The following SLC35C1 variants were observed in gnomAD, a reference collection of about 807,000 sequenced individuals.
SLC35C1 encodes the protein GDP-fucose transporter 1.
Under a neutral mutation model 23.2 loss-of-function variants are expected in SLC35C1, and 8 were observed. The ratio of observed to expected loss-of-function variants is 0.35; its 90% confidence interval spans 0.20 to 0.62. SLC35C1 has a LOEUF of 0.62. Ranked by LOEUF, SLC35C1 falls within the 20% of genes least tolerant of loss-of-function variation. SLC35C1 has a pLI of 0.75. For missense variants in SLC35C1, 422 were observed against 478.6 expected (o/e 0.88, Z 1.10); for synonymous variants, 226 against 225.1 (o/e 1.00, Z -0.04).
intron 1 of SLC35C1, among the ~76,000 whole-genome samples, chr11:45,808,852 A>C (rs750001861): frequency 6.6e-6 from 1 of 151,986 alleles, no homozygotes; most frequent in Non-Finnish European, 1.5e-5. Flanking sequence ...AAAATACAAA[A>C]ATTAGCCAGG....
At position 45,805,158 on chromosome 11, in the gene SLC35C1, C is replaced by T; in HGVS notation, c.-644C>T. 2.0e-6 allele frequency: 2 copies of T among 986,568 alleles called. No individual in the cohort carries two copies. The highest frequency in any genetic ancestry group is 2.4e-6 in the Non-Finnish European group (2 of 830,650). The allele number at this position is 986,568 out of a possible 1,614,324, so 61.1% of individuals were successfully genotyped here. ...CTCCCGGGGAGTCGGCCTCGGATGT[C>T]CGGAGGCTCCTGGGCTGAGCCGGCG... On this transcript the variant is annotated 5_prime_UTR_variant, in exon 1 of 2. Coordinates refer to ENST00000314134, the MANE Select transcript of SLC35C1 (RefSeq NM_018389.5).
intron 1 of SLC35C1, among the ~76,000 whole-genome samples, chr11:45,809,140 ACATGCCAGGCAC>A (rs1471127706): frequency 6.6e-6 from 1 of 152,168 alleles, no homozygotes; most frequent in African/African-American, 2.4e-5. Flanking sequence ...GTGGCTAAAC[ACATGCCAGGCAC>A]CATGCCAGGC....
chr11:45,811,005 G>T lies in SLC35C1; in HGVS notation c.765G>T (p.Leu255=). 1 of 1,612,862 alleles carries T rather than the reference G, an allele frequency of 6.2e-7. No homozygotes were observed. The change falls in exon 2 of 2, where the codon CTG becomes CTT. Residue 255 remains leucine, a synonymous_variant. Coordinates refer to ENST00000314134, the MANE Select transcript of SLC35C1 (RefSeq NM_018389.5). ...TGCTGCTCGGGGAGCTTCAGGCCCT[G>T]CGTGACTTTGCCCAGCTGGGCAGTG... is the stretch of plus-strand genomic sequence containing the variant. ...LLLLLGELQA[L]RDFAQLGSAH...
In SLC35C1 at chr11:45,812,580, G is replaced by A. The variant is rs760905070; in HGVS notation, c.*1245G>A. On this transcript the variant is annotated 3_prime_UTR_variant, in exon 2 of 2. Transcript: ENST00000314134. ...GTGCCTTCTCGCTGTATCCTCAATG[G>A]TAGAAGCACAAACAAGCAAGCTCCT... 1.3e-5 allele frequency: 6 copies of A among 456,020 alleles called. No individual in the cohort carries two copies. Among genetic ancestry groups the A allele is most frequent in the South Asian group, 9.3e-5 (6 of 64,570 alleles). The allele number at this position is 456,020 out of a possible 1,614,324, so 28.2% of individuals were successfully genotyped here.
At chr11:45,804,559 G>A, upstream of SLC35C1, 1 of 985,608 alleles carries the variant, frequency 1.0e-6, no homozygotes, top group Non-Finnish European at 1.2e-6. Context: ...TCGGATCCGG[G>A]CCGCCCAGAG....
intron 1 of SLC35C1, chr11:45,806,796 G>A (rs1290922789): frequency 6.2e-6 from 4 of 647,434 alleles, no homozygotes; most frequent in Non-Finnish European, 7.7e-6. Context: ...TCACATGCCC[G>A]ACCACTGTAC....
At position 45,806,248 on chromosome 11, in the gene SLC35C1, C is replaced by T. The variant is rs2085874654; in HGVS notation, c.447C>T (p.Leu149=). Reference sequence around the variant, plus strand: ...CCTTCTACAATGTGGGCCGCTCACTCACCACCGTCTTCAACGTGCTGCTCT... The same window carrying T: ...CCTTCTACAATGTGGGCCGCTCACTTACCACCGTCTTCAACGTGCTGCTCT... ...GVAFYNVGRS[L]TTVFNVLLSY... is the part of the protein sequence containing the mutation. Residue 149 remains leucine (L), a synonymous_variant, in exon 1 of 2, where the codon CTC becomes CTT. Coordinates refer to ENST00000314134, the MANE Select transcript of SLC35C1 (RefSeq NM_018389.5). The T allele has an allele frequency of 8.7e-6, 14 of 1,609,632 alleles. No homozygotes were observed. Among genetic ancestry groups the T allele is most frequent in the Non-Finnish European group, 1.2e-5 (14 of 1,180,008 alleles).
At position 45,805,226 on chromosome 11, in the gene SLC35C1, C is replaced by T; in HGVS notation, c.-576C>T. The T allele has an allele frequency of 1.0e-6, 1 of 995,700 alleles. No homozygotes were observed. Among genetic ancestry groups the T allele is most frequent in the Non-Finnish European group, 1.2e-6 (1 of 835,278 alleles). 61.7% of individuals were successfully genotyped at this position (995,700 alleles called of 1,614,324 possible). A position where few individuals can be genotyped will look rare whatever the true frequency, so the allele number is the denominator to read the frequency against. Reference sequence around the variant, plus strand: ...AGCGAGACGTGGGCGCCGGCCCAGCCCCCTCCCGCGTCCTTCAGCCCCAAG... The same window carrying T: ...AGCGAGACGTGGGCGCCGGCCCAGCTCCCTCCCGCGTCCTTCAGCCCCAAG... On this transcript the variant is annotated 5_prime_UTR_variant, in exon 1 of 2. Coordinates refer to ENST00000314134, the MANE Select transcript of SLC35C1 (RefSeq NM_018389.5).
At chr11:45,810,455 C>G (rs1200668853) in intron 1 of SLC35C1, 2 of 985,312 alleles carry the variant, frequency 2.0e-6, no homozygotes, top group African/African-American at 3.5e-5. Flanking sequence ...GCACCTTGTA[C>G]TACTTTATGG....
chr11:45,809,554 C>T (rs185664489), intron 1 of SLC35C1, among the ~76,000 whole-genome samples: 157 of 152,334 alleles, frequency 1.0e-3, no homozygotes, highest in Non-Finnish European at 1.9e-3. Flanking sequence ...AGAGGCTTCA[C>T]ACCAGGGCAC....
Position 45,805,657 on chromosome 11 carries a change from G to T in SLC35C1, c.-145G>T, listed in dbSNP as rs1234868887. 2.6e-6 allele frequency: 4 copies of T among 1,532,746 alleles called. No homozygotes were observed. The highest frequency in any genetic ancestry group is 3.5e-6 in the Non-Finnish European group (4 of 1,142,860). 94.9% of individuals were successfully genotyped at this position (1,532,746 alleles called of 1,614,324 possible). On this transcript the variant is annotated 5_prime_UTR_variant, in exon 1 of 2. An upstream start codon of the reference 5' UTR is lost. Transcript: ENST00000314134. ...CCCAAAGCAGAACTTCTCAATCCAT[G>T]AGGACAATGGGGAGGCCTTTAGGCC...
chr11:45,808,335 A>G (rs967909762), intron 1 of SLC35C1, among the ~76,000 whole-genome samples: 2 of 152,040 alleles, frequency 1.3e-5, no homozygotes, highest in Admixed American at 1.3e-4. Flanking sequence ...CCCTGTCTCT[A>G]CTAAAAATAC....
rs183313196 is a variant in SLC35C1, at chr11:45,810,716, T to C, written c.536-60T>C. The C allele has an allele frequency of 3.2e-6, 5 of 1,569,040 alleles. No individual in the cohort carries two copies. In the African/African-American group the frequency reaches 5.6e-5, roughly 18 times the overall value. ...TTTGGTGTCTGATCCTCTGTCCTTC[T>C]TCCTCCTCGTCCTCATCCCTCTTCC... On this transcript the variant is annotated intron_variant, in intron 1 of 1. Coordinates refer to ENST00000314134, the MANE Select transcript of SLC35C1 (RefSeq NM_018389.5).
rs189120012 is a variant in SLC35C1, at chr11:45,812,917, C to T, written c.*1582C>T. 9.5e-5 allele frequency: 29 copies of T among 304,708 alleles called. 1 individual carries two copies. Among genetic ancestry groups the T allele is most frequent in the South Asian group, 5.9e-4 (20 of 33,786 alleles). The allele number at this position is 304,708 out of a possible 1,614,324, so 18.9% of individuals were successfully genotyped here. ...GCTAGGGAGAGCGGGTCTTCTCCCC[C>T]CTCCCTCTCCAGTCCCCTCACAATC... On this transcript the variant is annotated 3_prime_UTR_variant, in exon 2 of 2. Coordinates refer to ENST00000314134, the MANE Select transcript of SLC35C1 (RefSeq NM_018389.5).
At position 45,805,532 on chromosome 11, in the gene SLC35C1, G is replaced by A. The variant is rs772429552; in HGVS notation, c.-270G>A. The A allele has an allele frequency of 2.1e-6, 3 of 1,395,840 alleles. No individual in the cohort carries two copies. Among genetic ancestry groups the A allele is most frequent in the Non-Finnish European group, 2.8e-6 (3 of 1,073,336 alleles). 86.5% of individuals were successfully genotyped at this position (1,395,840 alleles called of 1,614,324 possible). On this transcript the variant is annotated 5_prime_UTR_variant, in exon 1 of 2. Coordinates refer to ENST00000314134, the MANE Select transcript of SLC35C1 (RefSeq NM_018389.5). ...TCCCCTCACAGGTCTTCTCTGTCCT[G>A]GCCTCACCGCCTTATCCTATTCCTC... is the stretch of plus-strand genomic sequence containing the variant.
At position 45,811,242 on chromosome 11, in the gene SLC35C1, C is replaced by T. The variant is rs745353470; in HGVS notation, c.1002C>T (p.Ser334=). ...GCAACATGATGGTGCTGGGCGGCTC[C>T]TCCGCCTACACCTGGGTCAGGGGCT... ...WTSNMMVLGG[S]SAYTWVRGWE... Residue 334 remains serine (S), a synonymous_variant, in exon 2 of 2, where the codon TCC becomes TCT. Transcript: ENST00000314134. The T allele has an allele frequency of 2.5e-6, 4 of 1,602,454 alleles. No homozygotes were observed. In the South Asian group the frequency reaches 3.3e-5, roughly 13 times the overall value.
At chr11:45,807,378 AAATGTG>A (rs1463737299) in intron 1 of SLC35C1, among the ~76,000 whole-genome samples, 1 of 152,206 alleles carries the variant, frequency 6.6e-6, no homozygotes, top group Non-Finnish European at 1.5e-5. Flanking sequence ...CTCAGTAGCC[AAATGTG>A]GCTGAGGGCT....
chr11:45,805,376 G>A lies in SLC35C1; in HGVS notation c.-426G>A. Reference sequence around the variant, plus strand: ...CACAGCCGCCCATGACGCCCTCTCGGCACCTCTTCCCACTCTGCCACGCGT... The same window carrying A: ...CACAGCCGCCCATGACGCCCTCTCGACACCTCTTCCCACTCTGCCACGCGT... On this transcript the variant is annotated 5_prime_UTR_variant, in exon 1 of 2. Transcript: ENST00000314134. 2 of 986,872 alleles carry A rather than the reference G, an allele frequency of 2.0e-6. No homozygotes were observed. Among genetic ancestry groups the A allele is most frequent in the African/African-American group, 1.8e-5 (1 of 55,406 alleles). 61.1% of individuals were successfully genotyped at this position (986,872 alleles called of 1,614,324 possible).
In SLC35C1 at chr11:45,805,571, G is replaced by A; in HGVS notation, c.-231G>A. ...ATCCTATTCCTCTCCCTTGCCCTGT[G>A]TCTTGTCTCAGAGCCCCCTCGGGGT... On this transcript the variant is annotated 5_prime_UTR_variant, in exon 1 of 2. Coordinates refer to ENST00000314134, the MANE Select transcript of SLC35C1 (RefSeq NM_018389.5). 5.5e-6 allele frequency: 8 copies of A among 1,448,804 alleles called. No homozygotes were observed. The highest frequency in any genetic ancestry group is 7.3e-6 in the Non-Finnish European group (8 of 1,101,764). 89.7% of individuals were successfully genotyped at this position (1,448,804 alleles called of 1,614,324 possible).
Sources: allele counts gnomAD v4.1 joint callset (sites outside exome capture counted in the v4.1 genomes callset), GRCh38; gene constraint gnomAD v4.1.1; transcripts MANE v1.5; gene names NCBI Gene and HGNC (gene_info 2026-07-23, HGNC 2026-07-21).